The following CPNE4 variants were observed in gnomAD, a reference collection of about 807,000 sequenced individuals.
The protein encoded by CPNE4 is copine 4, also known as copine-4.
Under a neutral mutation model 67.9 loss-of-function variants are expected in CPNE4, and 25 were observed. The observed-to-expected ratio is 0.37, with a 90% CI of 0.27 to 0.51. The LOEUF is 0.51. Ranked by LOEUF, CPNE4 falls within the 20% of genes least tolerant of loss-of-function variation. The pLI, the probability that CPNE4 is intolerant of heterozygous loss-of-function variation, is 0.93. For synonymous variants in CPNE4, 242 were observed against 244.9 expected, an observed-to-expected ratio of 0.99 and a Z score of 0.11; for missense variants, 464 against 690.8, an observed-to-expected ratio of 0.67 and a Z score of 3.68.
intron 2 of CPNE4, among the ~76,000 whole-genome samples, chr3:131,858,322 T>C (rs2086531305): frequency 6.6e-6 from 1 of 152,014 alleles, no homozygotes; most frequent in African/African-American, 2.4e-5. Flanking sequence ...TCTCCTTTTG[T>C]ATTTTGTTCT....
chr3:131,579,371 G>A (rs542937000), intron 9 of CPNE4, among the ~76,000 whole-genome samples: 1 of 152,306 alleles, frequency 6.6e-6, no homozygotes, highest in South Asian at 2.1e-4. Flanking sequence ...ATGGAGATGT[G>A]CAAGGGGTTT....
chr3:131,641,971 A>G (rs2107795768), intron 7 of CPNE4, among the ~76,000 whole-genome samples: 1 of 152,282 alleles, frequency 6.6e-6, no homozygotes, highest in South Asian at 2.1e-4. Flanking sequence ...GCGCTAAGGC[A>G]TAAGAATAAT....
chr3:131,991,805 T>C lies in CPNE4; in HGVS notation c.-2+42762A>G, dbSNP rs1421517161. Among the ~76,000 whole-genome samples the C allele has an allele frequency of 2.2e-5, 3 of 135,332 alleles. 1 individual carries two copies. The highest frequency in any genetic ancestry group is 5.0e-5 in the Non-Finnish European group (3 of 59,618). The allele number at this position is 135,332 out of a possible 152,430, so 88.8% of individuals were successfully genotyped here. The stretch of plus-strand genomic sequence containing the variant: ...GTTTCCTAGGCTGGGCCTCCTGCTC[T>C]GTGCAGCCTTAGGATATGGTACCCT... On this transcript the variant is annotated intron_variant, in intron 1 of 15. Coordinates refer to ENST00000429747, the MANE Select transcript of CPNE4 (RefSeq NM_130808.3).
rs1297311508 is a variant in CPNE4, at chr3:131,978,180, TATATA to T, written c.-2+56382_-2+56386del. Among the ~76,000 whole-genome samples the T allele has an allele frequency of 1.2e-3, 81 of 65,048 alleles. 2 individuals carry two copies. In the East Asian group the frequency reaches 0.015, roughly 12 times the overall value. The allele number at this position is 65,048 out of a possible 152,430, so 42.7% of individuals were successfully genotyped here. On this transcript the variant is annotated intron_variant, in intron 1 of 15. Coordinates refer to ENST00000429747, the MANE Select transcript of CPNE4 (RefSeq NM_130808.3). The stretch of plus-strand genomic sequence containing the variant: ...ATAAATATATATAAATATGTAAATA[TATATA>T]ATATATTTATAATTATTATATATAA...
intron 2 of CPNE4, among the ~76,000 whole-genome samples, chr3:131,773,155 G>A (rs1033477249): frequency 6.6e-6 from 1 of 152,028 alleles, no homozygotes; most frequent in Admixed American, 6.6e-5. Flanking sequence ...GCCAAATGAG[G>A]TAGTATAATA....
intron 1 of CPNE4, among the ~76,000 whole-genome samples, chr3:131,925,351 C>T (rs775076673): frequency 1.2e-4 from 18 of 152,226 alleles, no homozygotes; most frequent in Admixed American, 3.9e-4. Flanking sequence ...CCTCAATGCT[C>T]TCCTAACACC....
rs114962896 is a variant in CPNE4 at position 131,981,023 on chromosome 3, C to T, written c.-2+53544G>A. On this transcript the variant is annotated intron_variant, in intron 1 of 15. Transcript: ENST00000429747. ...TTGAGCTGGTACTGGGGGTTGTCTG[C>T]ACAGAGTTTTGTGATGTGAACCGTC... Among the ~76,000 whole-genome samples the T allele has an allele frequency of 8.9e-3, 1,349 of 152,160 alleles. 4 individuals are homozygous for T. The highest frequency in any genetic ancestry group is 0.015 in the South Asian group (74 of 4,784).
At chr3:131,628,364 A>G (rs1389154379) in intron 7 of CPNE4, among the ~76,000 whole-genome samples, 1 of 152,216 alleles carries the variant, frequency 6.6e-6, no homozygotes, top group East Asian at 1.9e-4. Context: ...TGGTGGCAAC[A>G]GAAGAAAATG....
At chr3:131,948,123 T>G (rs2071614142) in intron 1 of CPNE4, among the ~76,000 whole-genome samples, 1 of 152,174 alleles carries the variant, frequency 6.6e-6, no homozygotes, top group Non-Finnish European at 1.5e-5. Flanking sequence ...TTATTCTTAG[T>G]TTTTTTATTC....
At chr3:131,579,635 T>C (rs1413510420) in intron 9 of CPNE4, among the ~76,000 whole-genome samples, 1 of 152,194 alleles carries the variant, frequency 6.6e-6, no homozygotes, top group Non-Finnish European at 1.5e-5. Context: ...AATAGGAGTT[T>C]GGAAGAAGTA....
Position 131,735,677 on chromosome 3 carries a change from T to C in CPNE4, c.181-12052A>G, listed in dbSNP as rs1315480921. On this transcript the variant is annotated intron_variant, in intron 2 of 15. Coordinates refer to ENST00000429747, the MANE Select transcript of CPNE4 (RefSeq NM_130808.3). The stretch of plus-strand genomic sequence containing the variant: ...TAAGAAAATATACATCTCTATTACA[T>C]GTTTTAGAGGCATTTTCTCTGAGAA... Among the ~76,000 whole-genome samples, 4 of 152,232 alleles carry C rather than the reference T, an allele frequency of 2.6e-5. No homozygotes were observed. The East Asian group carries it at 7.7e-4, about 29-fold the overall frequency.
intron 1 of CPNE4, among the ~76,000 whole-genome samples, chr3:131,985,308 A>C (rs1232179853): frequency 6.6e-6 from 1 of 152,198 alleles, no homozygotes; most frequent in South Asian, 2.1e-4. Flanking sequence ...GGGACACATC[A>C]GTCTATAACA....
intron 2 of CPNE4, among the ~76,000 whole-genome samples, chr3:131,796,605 C>A (rs1296463192): frequency 6.6e-6 from 1 of 152,120 alleles, no homozygotes; most frequent in Non-Finnish European, 1.5e-5. Flanking sequence ...CATCATCTGC[C>A]CCCTCCTCCC....
At chr3:132,035,151 G>T, upstream of CPNE4, 1 of 747,162 alleles carries the variant, frequency 1.3e-6, no homozygotes, top group Non-Finnish European at 1.6e-6. Context: ...TGGCGGCGGC[G>T]CTCTCCGTGG....
chr3:131,679,600 T>A (rs2080684420), intron 6 of CPNE4, among the ~76,000 whole-genome samples: 1 of 152,208 alleles, frequency 6.6e-6, no homozygotes. Flanking sequence ...CTGCTTTAAC[T>A]GTGTCCCAGA....
intron 2 of CPNE4, among the ~76,000 whole-genome samples, chr3:131,876,649 A>AC (rs1230593110): frequency 1.5e-5 from 2 of 133,384 alleles, no homozygotes; most frequent in Non-Finnish European, 1.7e-5. Flanking sequence ...CTCAAAAAAA[A>AC]AAAAAAAGAA....
intron 2 of CPNE4, among the ~76,000 whole-genome samples, chr3:131,859,011 T>C (rs867154194): frequency 2.0e-5 from 3 of 152,176 alleles, no homozygotes; most frequent in Admixed American, 6.6e-5. Flanking sequence ...TGAGAATCAC[T>C]GTCTAACGAA....
chr3:131,853,190 CA>C (rs1476391141), intron 2 of CPNE4, among the ~76,000 whole-genome samples: 2 of 151,462 alleles, frequency 1.3e-5, no homozygotes, highest in East Asian at 1.9e-4. Flanking sequence ...ATATAGTAAT[CA>C]AAAAGTGTGA....
intron 1 of CPNE4, among the ~76,000 whole-genome samples, chr3:131,954,968 GAA>G (rs3041609): frequency 1.2e-4 from 16 of 137,484 alleles, no homozygotes; most frequent in African/African-American, 3.0e-4. Flanking sequence ...GTATGCATGT[GAA>G]AAAAAAAAAA....
Sources: gnomAD v4.1 joint callset for allele counts (sites outside exome capture counted in the v4.1 genomes callset) on GRCh38, gnomAD v4.1.1 for gene constraint, MANE v1.5 for transcripts, NCBI Gene and HGNC (gene_info 2026-07-23, HGNC 2026-07-21) for gene names.